The following NLGN1 variants were observed in gnomAD, a reference collection of about 807,000 sequenced individuals.
NLGN1 encodes the protein neuroligin-1.
In NLGN1, 12 loss-of-function variants were observed where a neutral mutation model predicts 65.5. The ratio of observed to expected loss-of-function variants is 0.18; its 90% CI spans 0.12 to 0.30. The LOEUF (loss-of-function observed/expected upper bound fraction) is 0.30, where lower values mean the gene tolerates loss of function less well. Ranked by LOEUF, NLGN1 falls within the 10% of genes least tolerant of loss-of-function variation. NLGN1 has a pLI of 1.00. For missense variants in NLGN1, 750 were observed against 1,007.1 expected (o/e 0.74, Z 3.46); for synonymous variants, 350 against 359.5 (o/e 0.97, Z 0.30).
At chr3:173,888,965 G>T (rs1734848851) in intron 4 of NLGN1, among the ~76,000 whole-genome samples, 1 of 151,962 alleles carries the variant, frequency 6.6e-6, no homozygotes, top group Non-Finnish European at 1.5e-5. Flanking sequence ...GAGATTTTCT[G>T]TTATTAGAGT....
Position 173,787,308 on chromosome 3 carries a change from T to TA in NLGN1, c.494-20367dup, listed in dbSNP as rs545129421. Among the ~76,000 whole-genome samples, 461 of 152,314 alleles carry TA rather than the reference T, an allele frequency of 3.0e-3. 4 individuals carry two copies. The highest frequency in any genetic ancestry group is 3.5e-3 in the Admixed American group (54 of 15,300). ...CTGTTTCTATCTTTCTATACTAAAA[T>TA]AAAAAGTCTGTGATATTCAGGACAT... On this transcript the variant is annotated intron_variant, in intron 3 of 6. Transcript: ENST00000457714.
At chr3:173,787,077 CA>C (rs5854539) in intron 3 of NLGN1, among the ~76,000 whole-genome samples, 121,005 of 143,276 alleles carry the variant, frequency 0.84, 51,430 homozygotes, top group African/African-American at 0.92. Flanking sequence ...AACTCCGTCT[CA>C]AAAAAAAAAA....
At chr3:173,633,129 G>A (rs1049265679) in intron 3 of NLGN1, among the ~76,000 whole-genome samples, 2 of 152,082 alleles carry the variant, frequency 1.3e-5, no homozygotes, top group African/African-American at 4.8e-5. Context: ...TACTTTGTTT[G>A]GGACAAGGAG....
At chr3:174,175,951 A>C (rs1729371140) in intron 4 of NLGN1, among the ~76,000 whole-genome samples, 1 of 151,918 alleles carries the variant, frequency 6.6e-6, no homozygotes, top group African/African-American at 2.4e-5. Context: ...TACAAATATT[A>C]GATTTGTCCT....
chr3:173,853,786 C>T (rs761170372), intron 4 of NLGN1, among the ~76,000 whole-genome samples: 16 of 151,900 alleles, frequency 1.1e-4, no homozygotes, highest in Non-Finnish European at 2.2e-4. Context: ...TTAGGAATAT[C>T]ATGATTTAAA....
chr3:174,270,415 CAT>C (rs1159686011), intron 4 of NLGN1, among the ~76,000 whole-genome samples: 2 of 151,754 alleles, frequency 1.3e-5, no homozygotes, highest in Admixed American at 1.3e-4. Context: ...TTTGCCATTG[CAT>C]AGTCTTGGCA....
At chr3:173,932,799 G>A (rs1744342609) in intron 4 of NLGN1, among the ~76,000 whole-genome samples, 1 of 152,122 alleles carries the variant, frequency 6.6e-6, no homozygotes, top group Non-Finnish European at 1.5e-5. Flanking sequence ...CTGAGTGCCA[G>A]GGAATAGCTG....
chr3:173,795,544 A>T (rs145265595), intron 3 of NLGN1, among the ~76,000 whole-genome samples: 40 of 152,262 alleles, frequency 2.6e-4, no homozygotes, highest in African/African-American at 8.2e-4. Context: ...CATTTTAGTT[A>T]TATAAAATTA....
At chr3:174,217,013 A>T (rs1737731815) in intron 4 of NLGN1, among the ~76,000 whole-genome samples, 1 of 152,140 alleles carries the variant, frequency 6.6e-6, no homozygotes, top group Admixed American at 6.5e-5. Flanking sequence ...TGCTTAAAAC[A>T]ATGCAATTTC....
chr3:174,084,062 C>T (rs917966504), intron 4 of NLGN1, among the ~76,000 whole-genome samples: 9 of 152,138 alleles, frequency 5.9e-5, no homozygotes, highest in African/African-American at 2.2e-4. Context: ...ATGGTTAGAA[C>T]TCACTGTTTC....
At chr3:173,737,147 AG>A (rs2150087570) in intron 3 of NLGN1, among the ~76,000 whole-genome samples, 2 of 152,156 alleles carry the variant, frequency 1.3e-5, no homozygotes, top group South Asian at 4.1e-4. Flanking sequence ...CTAGAGAAAT[AG>A]AGTGAACATG....
At chr3:174,291,506 A>G (rs1752760533), downstream of NLGN1, among the ~76,000 whole-genome samples, 1 of 151,310 alleles carries the variant, frequency 6.6e-6, no homozygotes, top group Admixed American at 6.6e-5. Flanking sequence ...AAATCACCAA[A>G]TCTCTTAAAA....
chr3:173,826,454 C>T (rs1415170166), intron 4 of NLGN1, among the ~76,000 whole-genome samples: 6 of 152,018 alleles, frequency 3.9e-5, no homozygotes, highest in African/African-American at 1.2e-4. Context: ...ACACATAGAT[C>T]GTGTCATGAG....
At chr3:174,116,220 A>G (rs755783778) in intron 4 of NLGN1, among the ~76,000 whole-genome samples, 18 of 151,718 alleles carry the variant, frequency 1.2e-4, no homozygotes, top group Non-Finnish European at 1.6e-4. Flanking sequence ...GCTGTACACC[A>G]CCACCATCAA....
intron 4 of NLGN1, among the ~76,000 whole-genome samples, chr3:174,067,397 G>A (rs1445590275): frequency 6.6e-6 from 1 of 152,074 alleles, no homozygotes. Context: ...ATCAATAATT[G>A]CAAATTCAAT....
At chr3:173,560,399 A>G (rs1742515464) in intron 2 of NLGN1, among the ~76,000 whole-genome samples, 1 of 152,068 alleles carries the variant, frequency 6.6e-6, no homozygotes, top group Non-Finnish European at 1.5e-5. Flanking sequence ...TGAAAAAGGG[A>G]AGAAGAGGAA....
chr3:174,085,959 G>A (rs907794234), intron 4 of NLGN1, among the ~76,000 whole-genome samples: 22 of 151,912 alleles, frequency 1.4e-4, no homozygotes, highest in African/African-American at 2.4e-4. Context: ...TCCAACTTCC[G>A]TTACAATGAT....
chr3:173,649,750 A>G (rs1201228804), intron 3 of NLGN1, among the ~76,000 whole-genome samples: 1 of 152,172 alleles, frequency 6.6e-6, no homozygotes, highest in Non-Finnish European at 1.5e-5. Context: ...TACTAAAAGA[A>G]TATCATAAAA....
chr3:173,865,213 A>C (rs1192097554), intron 4 of NLGN1, among the ~76,000 whole-genome samples: 3 of 151,842 alleles, frequency 2.0e-5, no homozygotes, highest in Admixed American at 1.3e-4. Flanking sequence ...TCCTTTCTTT[A>C]GGTGTTTTAT....
Sources: allele counts gnomAD v4.1 joint callset (sites outside exome capture counted in the v4.1 genomes callset), GRCh38; gene constraint gnomAD v4.1.1; transcripts MANE v1.5; gene names NCBI Gene and HGNC (gene_info 2026-07-23, HGNC 2026-07-21).